Variants in DGKB observed in about 807,000 individuals in gnomAD.
The protein encoded by DGKB is diacylglycerol kinase beta.
A neutral mutation model predicts 114.3 loss-of-function variants in DGKB; 67 were observed. The ratio of observed to expected loss-of-function variants is 0.59; its 90% CI spans 0.48 to 0.72. The LOEUF (loss-of-function observed/expected upper bound fraction) is 0.72. Ranked by LOEUF, DGKB falls within the 30% of genes least tolerant of loss-of-function variation. DGKB has a pLI of 0.00. For synonymous variants in DGKB, 398 were observed against 323.1 expected (o/e 1.23, Z -2.49); for missense variants, 907 against 975.2 (o/e 0.93, Z 0.93).
intron 23 of DGKB, among the ~76,000 whole-genome samples, chr7:14,198,823 G>C (rs1785401924): frequency 6.6e-6 from 1 of 152,006 alleles, no homozygotes; most frequent in East Asian, 1.9e-4. Flanking sequence ...ATTTGGAAAA[G>C]TCTGGGAGGT....
intron 23 of DGKB, among the ~76,000 whole-genome samples, chr7:14,184,380 TGA>T (rs1166982976): frequency 2.6e-5 from 4 of 151,878 alleles, no homozygotes; most frequent in Non-Finnish European, 5.9e-5. Flanking sequence ...AGTTGGGAGG[TGA>T]GTTTTCAGGC....
intron 23 of DGKB, among the ~76,000 whole-genome samples, chr7:14,287,451 G>T (rs1801049767): frequency 1.3e-5 from 2 of 152,036 alleles, no homozygotes; most frequent in Non-Finnish European, 2.9e-5. Flanking sequence ...TGTTCTAAAT[G>T]ATTTTCATCA....
At chr7:14,856,113 A>G (rs1265291668) in intron 1 of DGKB, among the ~76,000 whole-genome samples, 1 of 152,088 alleles carries the variant, frequency 6.6e-6, no homozygotes, top group Non-Finnish European at 1.5e-5. Flanking sequence ...CAGATCTAAA[A>G]GTCAGATATA....
At chr7:14,155,518 T>C (rs1782881790) in intron 25 of DGKB, among the ~76,000 whole-genome samples, 1 of 152,074 alleles carries the variant, frequency 6.6e-6, no homozygotes, top group African/African-American at 2.4e-5. Flanking sequence ...ACATCATCTC[T>C]CTGACAGCAG....
chr7:14,803,181 A>G (rs1413469124), intron 2 of DGKB, among the ~76,000 whole-genome samples: 2 of 151,964 alleles, frequency 1.3e-5, no homozygotes, highest in Non-Finnish European at 2.9e-5. Flanking sequence ...GCCTCAAGCG[A>G]TCCTCCTGCC....
intron 1 of DGKB, among the ~76,000 whole-genome samples, chr7:14,911,345 G>A (rs1056598662): frequency 6.6e-6 from 1 of 151,932 alleles, no homozygotes; most frequent in Non-Finnish European, 1.5e-5. Context: ...TTCATATTCT[G>A]GTGTTGGAGT....
chr7:14,520,066 CTTA>C lies in DGKB; in HGVS notation c.1771-41844_1771-41842del, dbSNP rs1789498472. Among the ~76,000 whole-genome samples, 11 of 151,706 alleles carry C rather than the reference CTTA, an allele frequency of 7.3e-5. No individual in the cohort carries two copies. The South Asian group carries it at 2.3e-3, about 31-fold the overall frequency. ...TTAATTTTATCAGATTCCAATTTAT[CTTA>C]TTTTTTATTTATGGGTCTTTCAATA... On this transcript the variant is annotated intron_variant, in intron 20 of 25. Coordinates refer to ENST00000402815, the MANE Select transcript of DGKB (RefSeq NM_001350709.2).
chr7:14,432,894 G>A (rs1014318159), intron 21 of DGKB, among the ~76,000 whole-genome samples: 2 of 152,090 alleles, frequency 1.3e-5, no homozygotes, highest in African/African-American at 2.4e-5. Context: ...GGTATCACCT[G>A]GGAGGAATGA....
chr7:14,300,607 T>C (rs1803369331), intron 23 of DGKB, among the ~76,000 whole-genome samples: 1 of 152,102 alleles, frequency 6.6e-6, no homozygotes, highest in Admixed American at 6.6e-5. Flanking sequence ...ATTTAAATAT[T>C]CTCTTAGTTT....
chr7:14,324,936 T>G (rs983109426), intron 23 of DGKB, among the ~76,000 whole-genome samples: 3 of 152,116 alleles, frequency 2.0e-5, no homozygotes, highest in Non-Finnish European at 2.9e-5. Flanking sequence ...TCGTATTGAG[T>G]CTACGTTAAA....
At chr7:14,596,788 G>T (rs1324707624) in intron 17 of DGKB, among the ~76,000 whole-genome samples, 2 of 152,120 alleles carry the variant, frequency 1.3e-5, no homozygotes, top group African/African-American at 4.8e-5. Flanking sequence ...CAGGGCATGG[G>T]GGAGGGCTCT....
chr7:14,365,915 G>A (rs17168105), intron 21 of DGKB, among the ~76,000 whole-genome samples: 315 of 152,172 alleles, frequency 2.1e-3, no homozygotes, highest in African/African-American at 7.1e-3. Flanking sequence ...ACAGATACTT[G>A]AAGAATTTGA....
At chr7:14,655,456 T>C (rs541884612) in intron 13 of DGKB, among the ~76,000 whole-genome samples, 74 of 151,840 alleles carry the variant, frequency 4.9e-4, no homozygotes, top group South Asian at 8.3e-4. Flanking sequence ...TTAGTACAAC[T>C]ATTATGAAAA....
At chr7:14,281,709 A>C (rs953298675) in intron 23 of DGKB, among the ~76,000 whole-genome samples, 2 of 151,984 alleles carry the variant, frequency 1.3e-5, no homozygotes, top group Non-Finnish European at 2.9e-5. Context: ...TAAGAATCTC[A>C]CTCAAAACCG....
At chr7:14,382,168 G>C (rs2128684342) in intron 21 of DGKB, among the ~76,000 whole-genome samples, 1 of 152,294 alleles carries the variant, frequency 6.6e-6, no homozygotes, top group South Asian at 2.1e-4. Flanking sequence ...TCGAGTAGCT[G>C]CATGTAGATG....
chr7:14,775,612 G>A (rs949032207), intron 2 of DGKB, among the ~76,000 whole-genome samples: 5 of 151,988 alleles, frequency 3.3e-5, no homozygotes, highest in Non-Finnish European at 5.9e-5. Flanking sequence ...GTTCTCATGA[G>A]ACCTGGTGGT....
rs1214373370 is a variant in DGKB at position 14,718,569 on chromosome 7, T to C, written c.439A>G (p.Arg147Gly). The change falls in exon 6 of 26, where the codon AGA becomes GGA. Residue 147 changes from arginine to glycine, a missense_variant. By Grantham distance (125) the Arg-to-Gly change is moderately radical. Transcript: ENST00000402815. ...DIVCYLSLLE[R>G]GRPEDKLEFM... ...TCAAGCTTATCCTCAGGTCTTCCTC[T>C]TTCAAGCAGAGACAGGTAACAGACA... is the stretch of plus-strand genomic sequence containing the variant. 1.9e-6 allele frequency: 3 copies of C among 1,612,568 alleles called. No individual in the cohort carries two copies. In the African/African-American group the frequency reaches 4.0e-5, roughly 22 times the overall value.
intron 14 of DGKB, among the ~76,000 whole-genome samples, chr7:14,628,999 A>T (rs1809171066): frequency 6.6e-6 from 1 of 152,164 alleles, no homozygotes; most frequent in South Asian, 2.1e-4. Context: ...TATGACACAA[A>T]TTATATAACT....
rs1007748394 is a variant in DGKB at position 14,283,912 on chromosome 7, T to C, written c.2122+54603A>G. On this transcript the variant is annotated intron_variant, in intron 23 of 25. Coordinates refer to ENST00000402815, the MANE Select transcript of DGKB (RefSeq NM_001350709.2). Reference sequence around the variant, plus strand: ...GTTAGACCTAAAACCATAAAAACCATAGAAGAAAACCTAGGCATTACCATT... The same window carrying C: ...GTTAGACCTAAAACCATAAAAACCACAGAAGAAAACCTAGGCATTACCATT... 3.8e-3 allele frequency among the ~76,000 whole-genome samples: 571 copies of C among 152,134 alleles called. 4 individuals carry two copies. Among genetic ancestry groups the C allele is most frequent in the South Asian group, 0.016 (76 of 4,818 alleles).
Sources: allele counts gnomAD v4.1 joint callset (sites outside exome capture counted in the v4.1 genomes callset), GRCh38; gene constraint gnomAD v4.1.1; transcripts MANE v1.5; gene names NCBI Gene and HGNC (gene_info 2026-07-23, HGNC 2026-07-21).